The following SYCP1 variants were observed in gnomAD, a reference collection of about 807,000 sequenced individuals.
The protein encoded by SYCP1 is cancer/testis antigen 8.
In SYCP1, 64 loss-of-function variants were observed where a neutral mutation model predicts 153.1. The ratio of observed to expected loss-of-function variants is 0.42; its 90% confidence interval spans 0.34 to 0.51. The LOEUF (loss-of-function observed/expected upper bound fraction) is 0.51. Ranked by LOEUF, SYCP1 falls within the 20% of genes least tolerant of loss-of-function variation. The probability of loss-of-function intolerance (pLI) is 0.06; values close to 1 mark genes in which losing one functional copy is unlikely to be tolerated. For synonymous variants in SYCP1, 384 were observed against 341.8 expected (o/e 1.12, Z -1.36); for missense variants, 997 against 1,049.0 (o/e 0.95, Z 0.68).
At chr1:114,904,473 G>C (rs534588898) in intron 16 of SYCP1, among the ~76,000 whole-genome samples, 78 of 152,254 alleles carry the variant, frequency 5.1e-4, no homozygotes, top group Middle Eastern at 3.4e-3. Context: ...TTGGAATTGT[G>C]TGAAATATAT....
At chr1:114,953,438 A>G (rs1054859854) in intron 27 of SYCP1, among the ~76,000 whole-genome samples, 1 of 152,190 alleles carries the variant, frequency 6.6e-6, no homozygotes, top group Non-Finnish European at 1.5e-5. Context: ...TAAAAGCTTT[A>G]GAATTTTATT....
Position 114,994,685 on chromosome 1 carries a change from A to ATTTT in SYCP1, c.2704-11_2704-8dup. 6.5e-7 allele frequency: 1 copy of ATTTT among 1,538,794 alleles called. No homozygotes were observed. On this transcript the variant is annotated splice_polypyrimidine_tract_variant and intron_variant, in intron 30 of 31. Coordinates refer to ENST00000369522, the MANE Select transcript of SYCP1 (RefSeq NM_003176.4). The stretch of plus-strand genomic sequence containing the variant: ...GGTAAACCCAACATCATATTTTTTT[A>ATTTT]TTTTTCTTCAAGAGCATGGTTTCAG...
At position 114,906,432 on chromosome 1, in the gene SYCP1, C is replaced by G. The variant is rs1180073643; in HGVS notation, c.1321-3965C>G. Among the ~76,000 whole-genome samples, 5 of 151,886 alleles carry G rather than the reference C, an allele frequency of 3.3e-5. No homozygotes were observed. In the South Asian group the frequency reaches 8.3e-4, roughly 25 times the overall value. On this transcript the variant is annotated intron_variant, in intron 16 of 31. Coordinates refer to ENST00000369522, the MANE Select transcript of SYCP1 (RefSeq NM_003176.4). ...TCTGCTACTTTGAGTTTATTTTGCT[C>G]TCTTTCTAGATTCCTAAGGTGGAAG... is the stretch of plus-strand genomic sequence containing the variant.
At chr1:114,870,288 C>T (rs557827997) in intron 8 of SYCP1, among the ~76,000 whole-genome samples, 106 of 152,280 alleles carry the variant, frequency 7.0e-4, no homozygotes, top group African/African-American at 1.7e-3. Flanking sequence ...ACTGGGATTA[C>T]GGGCATGAGC....
intron 12 of SYCP1, among the ~76,000 whole-genome samples, chr1:114,884,027 C>A (rs1666132672): frequency 6.6e-6 from 1 of 152,136 alleles, no homozygotes; most frequent in Non-Finnish European, 1.5e-5. Context: ...CACAGTCGGA[C>A]CAATGACCCT....
chr1:114,898,709 T>C (rs1373732109), intron 16 of SYCP1, among the ~76,000 whole-genome samples: 2 of 152,212 alleles, frequency 1.3e-5, no homozygotes, highest in East Asian at 1.9e-4. Flanking sequence ...GTTTGCAAAA[T>C]AGACTTTAGT....
intron 11 of SYCP1, 165 bp downstream of exon 11, chr1:114,876,975 C>T (rs1350826329): frequency 3.3e-6 from 1 of 306,524 alleles, no homozygotes; most frequent in Non-Finnish European, 6.0e-6. Flanking sequence ...ACTTAATTTT[C>T]ATTGACTCAA....
intron 23 of SYCP1, among the ~76,000 whole-genome samples, chr1:114,931,052 A>G (rs1201768859): frequency 1.3e-5 from 2 of 151,986 alleles, no homozygotes; most frequent in East Asian, 3.9e-4. Context: ...AGTTGCAGAA[A>G]GGCATTTGAC....
rs78715180 is a variant in SYCP1, at chr1:114,976,847, A to G, written c.2323-710A>G. On this transcript the variant is annotated intron_variant, in intron 27 of 31. Coordinates refer to ENST00000369522, the MANE Select transcript of SYCP1 (RefSeq NM_003176.4). ...TGTATGCAAGGTATTCAGTGAGGAT[A>G]GATACTGGCATAGACATCATGGGCG... Among the ~76,000 whole-genome samples, 1,332 of 151,896 alleles carry G rather than the reference A, an allele frequency of 8.8e-3. 27 individuals carry two copies. The highest frequency in any genetic ancestry group is 0.029 in the African/African-American group (1,214 of 41,522).
intron 23 of SYCP1, among the ~76,000 whole-genome samples, chr1:114,937,780 A>G (rs141229324): frequency 0.015 from 2,324 of 152,356 alleles, 53 homozygotes; most frequent in African/African-American, 0.053. Context: ...TATGCAGCCA[A>G]CAGACACATG....
intron 6 of SYCP1, among the ~76,000 whole-genome samples, chr1:114,859,469 A>G (rs1273110376): frequency 1.3e-5 from 2 of 152,264 alleles, no homozygotes; most frequent in Non-Finnish European, 2.9e-5. Context: ...AGAAAAAAAC[A>G]TTACTTCAAA....
At chr1:114,857,167 GAA>G in intron 3 of SYCP1, 63 bp from the exon 4 acceptor site, 25 of 558,048 alleles carry the variant, frequency 4.5e-5, no homozygotes, top group Admixed American at 2.4e-4. Flanking sequence ...AGAGAAAAAA[GAA>G]AAAAAAAAAG....
At chr1:114,936,677 C>T (rs2101787888) in intron 23 of SYCP1, among the ~76,000 whole-genome samples, 1 of 152,302 alleles carries the variant, frequency 6.6e-6, no homozygotes, top group East Asian at 1.9e-4. Context: ...CCCAAATCTC[C>T]TTAAGCTGAT....
chr1:114,972,507 T>C (rs1672560590), intron 27 of SYCP1, among the ~76,000 whole-genome samples: 1 of 152,160 alleles, frequency 6.6e-6, no homozygotes, highest in African/African-American at 2.4e-5. Context: ...TTAGGTTATT[T>C]GAAGTTTTTC....
chr1:114,916,433 C>A (rs1668511238), intron 20 of SYCP1, among the ~76,000 whole-genome samples: 1 of 151,870 alleles, frequency 6.6e-6, no homozygotes, highest in African/African-American at 2.4e-5. Flanking sequence ...CCATGCAATA[C>A]AACAAATATT....
In SYCP1 at chr1:114,977,694, T is replaced by G. The variant is rs766800022; in HGVS notation, c.2382+78T>G. 3.2e-6 allele frequency: 3 copies of G among 941,262 alleles called. No individual in the cohort carries two copies. In the South Asian group the frequency reaches 5.4e-5, roughly 17 times the overall value. The allele number at this position is 941,262 out of a possible 1,614,324, so 58.3% of individuals were successfully genotyped here. ...CTACTTAGAAATGATTTTTTGTTTA[T>G]AAGTAGGAAAATAACATTTTACATA... On this transcript the variant is annotated intron_variant, in intron 28 of 31. Coordinates refer to ENST00000369522, the MANE Select transcript of SYCP1 (RefSeq NM_003176.4).
At chr1:114,913,306 G>A (rs552598451) in intron 19 of SYCP1, among the ~76,000 whole-genome samples, 156 bp downstream of exon 19, 2 of 151,934 alleles carry the variant, frequency 1.3e-5, no homozygotes, top group African/African-American at 4.8e-5. Flanking sequence ...CTTATAGGGT[G>A]GTAATAGGCA....
Position 114,858,743 on chromosome 1 carries a change from A to G in SYCP1, c.456+32A>G, listed in dbSNP as rs201303412. 7.0e-5 allele frequency: 109 copies of G among 1,554,168 alleles called. No individual in the cohort carries two copies. In the African/African-American group the frequency reaches 1.3e-3, roughly 19 times the overall value. On this transcript the variant is annotated intron_variant, in intron 6 of 31. Coordinates refer to ENST00000369522, the MANE Select transcript of SYCP1 (RefSeq NM_003176.4). ...CACAATTTTGCATTGTAAACATAGT[A>G]TAGTAAATCTAATCATAATACTGTT...
chr1:114,886,903 A>G (rs976535265), intron 14 of SYCP1, among the ~76,000 whole-genome samples: 11 of 151,928 alleles, frequency 7.2e-5, no homozygotes, highest in African/African-American at 2.7e-4. Context: ...TAAAGACTCT[A>G]TTTTTTACTA....
Sources: allele counts gnomAD v4.1 joint callset (sites outside exome capture counted in the v4.1 genomes callset), GRCh38; gene constraint gnomAD v4.1.1; transcripts MANE v1.5; gene names NCBI Gene and HGNC (gene_info 2026-07-23, HGNC 2026-07-21).